Variants in ATXN1 observed in about 807,000 individuals in gnomAD.
ATXN1 encodes ataxin-1.
ATXN1 carries 8 observed loss-of-function variants against 56.4 expected under a neutral mutation model. That is an observed-to-expected ratio of 0.14 (90% CI 0.08 to 0.26). The LOEUF (loss-of-function observed/expected upper bound fraction) is 0.26, where lower values mean the gene tolerates loss of function less well. Ranked by LOEUF, ATXN1 falls within the 10% of genes least tolerant of loss-of-function variation. The probability of loss-of-function intolerance (pLI) is 1.00; values close to 1 mark genes in which losing one functional copy is unlikely to be tolerated. For missense variants in ATXN1, 987 were observed against 1,106.5 expected (o/e 0.89, Z 1.53); for synonymous variants, 514 against 494.6 (o/e 1.04, Z -0.52).
chr6:16,487,030 T>C (rs1468866351), intron 5 of ATXN1, among the ~76,000 whole-genome samples: 1 of 152,186 alleles, frequency 6.6e-6, no homozygotes, highest in Non-Finnish European at 1.5e-5. Flanking sequence ...TTTCCACACC[T>C]GGATTTCTTG....
At chr6:16,449,174 C>G (rs12660074) in intron 6 of ATXN1, among the ~76,000 whole-genome samples, 2 of 151,786 alleles carry the variant, frequency 1.3e-5, no homozygotes, top group African/African-American at 2.4e-5. Context: ...GTTCTCCCTA[C>G]GTCCACTTGC....
rs1470416013 is a variant in ATXN1, at chr6:16,327,357, G to T, written c.954C>A (p.Ile318=). The change falls in exon 7 of 8, where the codon ATC becomes ATA. Residue 318 remains isoleucine, a synonymous_variant. Coordinates refer to ENST00000436367, the MANE Select transcript of ATXN1 (RefSeq NM_001128164.2). ...CACCGTTCAGGACCTCCTTGGCCTG[G>T]ATGGCCTGCTGCAGCCGGCTGCTCT... ...KAESSRLQQA[I]QAKEVLNGEM... 5.6e-6 allele frequency: 9 copies of T among 1,613,486 alleles called. No individual in the cohort carries two copies. The highest frequency in any genetic ancestry group is 7.6e-6 in the Non-Finnish European group (9 of 1,179,970).
At chr6:16,596,940 T>C (rs754459774) in intron 3 of ATXN1, among the ~76,000 whole-genome samples, 7 of 152,174 alleles carry the variant, frequency 4.6e-5, no homozygotes, top group Non-Finnish European at 1.0e-4. Flanking sequence ...CGACTCTCTC[T>C]TTTACCTGCT....
intron 2 of ATXN1, among the ~76,000 whole-genome samples, chr6:16,746,487 A>C (rs1442376061): frequency 6.6e-6 from 1 of 152,248 alleles, no homozygotes; most frequent in Admixed American, 6.5e-5. Flanking sequence ...AATTAAAAGC[A>C]GAATATGGCC....
intron 2 of ATXN1, among the ~76,000 whole-genome samples, chr6:16,700,002 A>C (rs1759248363): frequency 6.6e-6 from 1 of 152,238 alleles, no homozygotes; most frequent in Non-Finnish European, 1.5e-5. Context: ...CGCTGAATGA[A>C]AAGAAAAGCT....
chr6:16,451,075 C>T (rs1214143873), intron 6 of ATXN1, among the ~76,000 whole-genome samples: 3 of 152,198 alleles, frequency 2.0e-5, no homozygotes, highest in African/African-American at 7.2e-5. Flanking sequence ...TGGCTTAAAC[C>T]GAAGTCAATC....
chr6:16,501,120 T>G (rs965420627), intron 5 of ATXN1, among the ~76,000 whole-genome samples: 1 of 152,238 alleles, frequency 6.6e-6, no homozygotes, highest in Non-Finnish European at 1.5e-5. Flanking sequence ...TGTGCACATA[T>G]GCACGCATGC....
chr6:16,615,117 G>A (rs1763183732), intron 3 of ATXN1: 1 of 147,630 alleles, frequency 6.8e-6, no homozygotes, highest in African/African-American at 2.5e-5. Context: ...ATAACTTTGG[G>A]GACAGGTAAT....
chr6:16,419,124 T>C, intron 6 of ATXN1, among the ~76,000 whole-genome samples: 1 of 152,152 alleles, frequency 6.6e-6, no homozygotes, highest in Non-Finnish European at 1.5e-5. Flanking sequence ...TTGTATTGTT[T>C]TCTTCTTTGA....
At chr6:16,456,672 A>ATGG (rs568028034) in intron 6 of ATXN1, among the ~76,000 whole-genome samples, 43 of 152,280 alleles carry the variant, frequency 2.8e-4, no homozygotes, top group African/African-American at 9.6e-4. Flanking sequence ...CCTGGGTCCT[A>ATGG]ACACCTGTCA....
At chr6:16,346,870 G>A (rs1221280223) in intron 6 of ATXN1, among the ~76,000 whole-genome samples, 3 of 152,234 alleles carry the variant, frequency 2.0e-5, no homozygotes, top group Non-Finnish European at 4.4e-5. Flanking sequence ...CAGCTTGCGC[G>A]GAGGTGTGGA....
At chr6:16,654,460 C>T (rs1017196279) in intron 3 of ATXN1, among the ~76,000 whole-genome samples, 2 of 149,688 alleles carry the variant, frequency 1.3e-5, no homozygotes, top group East Asian at 2.0e-4. Flanking sequence ...AAGAGAATTG[C>T]TTGAACCTGG....
rs2113558851 is a variant in ATXN1, at chr6:16,761,416, T to A, written c.-848A>T. ...CCACGGGGCTTGTTTTGGATCCCCC[T>A]GCAGTGAAACAGGTCCTGTACGGCT... On this transcript the variant is annotated 5_prime_UTR_variant, in exon 1 of 8. Transcript: ENST00000436367. The A allele has an allele frequency of 6.6e-6, 3 of 456,698 alleles. No individual in the cohort carries two copies. The highest frequency in any genetic ancestry group is 6.0e-5 in the African/African-American group (3 of 50,124). The allele number at this position is 456,698 out of a possible 1,614,324, so 28.3% of individuals were successfully genotyped here. A position where few individuals can be genotyped will look rare whatever the true frequency, so the allele number is the denominator to read the frequency against.
chr6:16,622,170 G>A (rs1286061186), intron 3 of ATXN1, among the ~76,000 whole-genome samples: 1 of 152,192 alleles, frequency 6.6e-6, no homozygotes, highest in Non-Finnish European at 1.5e-5. Context: ...TTAGTGAAAT[G>A]AGAAAGACAA....
chr6:16,521,348 A>T (rs1441072932), intron 5 of ATXN1, among the ~76,000 whole-genome samples: 1 of 152,230 alleles, frequency 6.6e-6, no homozygotes, highest in Non-Finnish European at 1.5e-5. Flanking sequence ...TCACGAGGTC[A>T]GGAGATGGAG....
At chr6:16,534,907 A>C (rs1761569921) in intron 4 of ATXN1, among the ~76,000 whole-genome samples, 1 of 152,182 alleles carries the variant, frequency 6.6e-6, no homozygotes, top group African/African-American at 2.4e-5. Flanking sequence ...CTGATTTTCT[A>C]CAGCACTTCT....
At chr6:16,544,914 A>G (rs1424529296) in intron 4 of ATXN1, among the ~76,000 whole-genome samples, 1 of 152,146 alleles carries the variant, frequency 6.6e-6, no homozygotes, top group African/African-American at 2.4e-5. Flanking sequence ...TAGAAATAAG[A>G]CTTTCAGGAC....
intron 2 of ATXN1, among the ~76,000 whole-genome samples, chr6:16,742,115 T>C (rs921516200): frequency 3.3e-5 from 5 of 152,336 alleles, no homozygotes; most frequent in African/African-American, 1.2e-4. Context: ...CATTTTTTTC[T>C]TCTGTCAATA....
At chr6:16,590,959 C>T (rs1420187986) in intron 3 of ATXN1, among the ~76,000 whole-genome samples, 1 of 151,950 alleles carries the variant, frequency 6.6e-6, no homozygotes, top group African/African-American at 2.4e-5. Context: ...TATCCTGCCT[C>T]AGCCTCCTGA....
Sources: allele counts gnomAD v4.1 joint callset (sites outside exome capture counted in the v4.1 genomes callset), GRCh38; gene constraint gnomAD v4.1.1; transcripts MANE v1.5; gene names NCBI Gene and HGNC (gene_info 2026-07-23, HGNC 2026-07-21).